The following NADSYN1 variants were observed in gnomAD, a reference collection of about 807,000 sequenced individuals.
NADSYN1 encodes glutamine-dependent NAD(+) synthetase.
NADSYN1 carries 80 observed loss-of-function variants against 99.3 expected under a neutral mutation model. That is an observed-to-expected ratio of 0.81 (90% CI 0.67 to 0.97). The LOEUF (loss-of-function observed/expected upper bound fraction) is 0.97. Among genes scored for constraint, NADSYN1 ranks in the 50% least tolerant of loss-of-function variants. The pLI is 0.00. For missense variants in NADSYN1, 859 were observed against 948.5 expected, an observed-to-expected ratio of 0.91 and a Z score of 1.24; for synonymous variants, 385 against 372.1, an observed-to-expected ratio of 1.03 and a Z score of -0.40.
Position 71,482,169 on chromosome 11 carries a change from C to T in NADSYN1, c.1150+144C>T. 7.1e-6 allele frequency: 5 copies of T among 699,956 alleles called. No individual in the cohort carries two copies. In the South Asian group the frequency reaches 7.3e-5, roughly 10 times the overall value. 43.4% of individuals were successfully genotyped at this position (699,956 alleles called of 1,614,324 possible). On this transcript the variant is annotated intron_variant, in intron 13 of 20. Coordinates refer to ENST00000319023, the MANE Select transcript of NADSYN1 (RefSeq NM_018161.5). ...GCTTTGTGGCCACGCACAAATGTCA[C>T]AGCATCACATCCCAGTCCTGCAGCT...
rs139796479 is a variant in NADSYN1 at position 71,498,700 on chromosome 11, C to T, written c.2070+172C>T. Reference sequence around the variant, plus strand: ...AAGCGTTTTTTAAATTTACTTTTTTCGTGTTGACAAATAAAAATTCTATAT... The same window carrying T: ...AAGCGTTTTTTAAATTTACTTTTTTTGTGTTGACAAATAAAAATTCTATAT... On this transcript the variant is annotated intron_variant, in intron 20 of 20. Transcript: ENST00000319023. 4.7e-5 allele frequency: 31 copies of T among 657,100 alleles called. No individual in the cohort carries two copies. In the East Asian group the frequency reaches 7.6e-4, roughly 16 times the overall value. The allele number at this position is 657,100 out of a possible 1,614,324, so 40.7% of individuals were successfully genotyped here.
Position 71,482,939 on chromosome 11 carries a change from C to G in NADSYN1, c.1241C>G (p.Thr414Ser), listed in dbSNP as rs138477825. 1.5e-5 allele frequency: 24 copies of G among 1,613,230 alleles called. No individual in the cohort carries two copies. In the African/African-American group the frequency reaches 3.1e-4, roughly 21 times the overall value. ...DPRDLCGRILTTCYMASKNSS... is the reference protein window; with the variant it reads ...DPRDLCGRILSTCYMASKNSS... Reference sequence around the variant, plus strand: ...CGAGACCTCTGTGGACGCATACTGACCACCTGCTACATGGCCAGCAAGAAC... The same window carrying G: ...CGAGACCTCTGTGGACGCATACTGAGCACCTGCTACATGGCCAGCAAGAAC... The change falls in exon 14 of 21, where the codon ACC becomes AGC. Residue 414 changes from threonine (T) to serine (S), a missense_variant. Physicochemically the swap from Thr to Ser is moderately conservative, Grantham distance 58. Coordinates refer to ENST00000319023, the MANE Select transcript of NADSYN1 (RefSeq NM_018161.5).
chr11:71,474,293 A>T, intron 8 of NADSYN1, 102 bp from the exon 9 acceptor site: 1 of 1,487,078 alleles, frequency 6.7e-7, no homozygotes, highest in Non-Finnish European at 9.3e-7. Flanking sequence ...ACCACTCAGG[A>T]TGACCTAGCG....
At chr11:71,463,987 G>A (rs1172341625) in intron 4 of NADSYN1, 66 bp from the exon 5 acceptor site, 1 of 1,360,056 alleles carries the variant, frequency 7.4e-7, no homozygotes, top group African/African-American at 1.4e-5. Flanking sequence ...TGGTGGCACT[G>A]ACCACCGCCA....
rs780997069 is a variant in NADSYN1 at position 71,474,385 on chromosome 11, C to A, written c.667-10C>A. Reference sequence around the variant, plus strand: ...GCTGACCACTCCGCTATGGGGTCCTCCTTTTTCAGAACGGTGGGATTTACT... The same window carrying A: ...GCTGACCACTCCGCTATGGGGTCCTACTTTTTCAGAACGGTGGGATTTACT... On this transcript the variant is annotated splice_polypyrimidine_tract_variant and intron_variant, in intron 8 of 20. Transcript: ENST00000319023. 2 of 1,613,958 alleles carry A rather than the reference C, an allele frequency of 1.2e-6. No homozygotes were observed. Among genetic ancestry groups the A allele is most frequent in the African/African-American group, 2.7e-5 (2 of 74,916 alleles).
chr11:71,482,807 C>A, intron 13 of NADSYN1, 42 bp from the exon 14 acceptor site: 1 of 1,604,612 alleles, frequency 6.2e-7, no homozygotes, highest in Non-Finnish European at 8.5e-7. Flanking sequence ...ACATCCCACA[C>A]ACTCAGGTGA....
rs1565604293 is a variant in NADSYN1 at position 71,484,307 on chromosome 11, T to A, written c.1320-5T>A. 2 of 1,612,352 alleles carry A rather than the reference T, an allele frequency of 1.2e-6. No individual in the cohort carries two copies. The highest frequency in any genetic ancestry group is 1.7e-6 in the Non-Finnish European group (2 of 1,178,520). ...TGCCTTCAACGCCTATCCTTCTCCT[T>A]CCAGCCACCACATCAGTCTCAACAT... On this transcript the variant is annotated splice_region_variant and splice_polypyrimidine_tract_variant and intron_variant, in intron 14 of 20. Coordinates refer to ENST00000319023, the MANE Select transcript of NADSYN1 (RefSeq NM_018161.5).
intron 9 of NADSYN1, 66 bp downstream of exon 9, chr11:71,474,592 C>G: frequency 6.2e-7 from 1 of 1,604,220 alleles, no homozygotes; most frequent in Non-Finnish European, 8.5e-7. Context: ...TCCTGGCTCT[C>G]CCCTGTAAGC....
intron 5 of NADSYN1, chr11:71,466,795 A>G (rs1411816455): frequency 6.6e-6 from 1 of 152,222 alleles, no homozygotes; most frequent in Non-Finnish European, 1.5e-5. Context: ...GTATGCATTT[A>G]TGTCTCATTT....
intron 1 of NADSYN1, 146 bp downstream of exon 1, chr11:71,453,527 C>G (rs115274540): frequency 2.8e-6 from 2 of 703,446 alleles, no homozygotes; most frequent in African/African-American, 3.6e-5. Flanking sequence ...TGGGCAATGA[C>G]CCCGCCAGTG....
intron 10 of NADSYN1, chr11:71,478,713 G>T (rs2120463989): frequency 2.1e-6 from 1 of 481,398 alleles, no homozygotes; most frequent in Non-Finnish European, 3.8e-6. Context: ...GGCAGGCAGA[G>T]AGGCTGACGA....
chr11:71,481,551 G>T, intron 12 of NADSYN1, 147 bp downstream of exon 12: 1 of 835,924 alleles, frequency 1.2e-6, no homozygotes, highest in Non-Finnish European at 1.8e-6. Flanking sequence ...GGGGAGCTTA[G>T]TCTGTGCTAG....
rs1483400039 is a variant in NADSYN1, at chr11:71,489,113, A to G, written c.1563-1732A>G. 2.0e-5 allele frequency among the ~76,000 whole-genome samples: 3 copies of G among 152,082 alleles called. No homozygotes were observed. In the East Asian group the frequency reaches 5.8e-4, roughly 29 times the overall value. On this transcript the variant is annotated intron_variant, in intron 16 of 20. Coordinates refer to ENST00000319023, the MANE Select transcript of NADSYN1 (RefSeq NM_018161.5). ...CCTGCAGGGTTAAGTTGGGGTCAGC[A>G]TGGGAATGCAGAGCTGAGAGGCTGT...
chr11:71,460,458 C>T (rs780563405), intron 3 of NADSYN1, among the ~76,000 whole-genome samples: 2 of 152,228 alleles, frequency 1.3e-5, no homozygotes, highest in East Asian at 1.9e-4. Flanking sequence ...TTGAGTGATC[C>T]GTCCATCTCA....
intron 18 of NADSYN1, among the ~76,000 whole-genome samples, chr11:71,494,289 A>G (rs533344244): frequency 2.6e-5 from 4 of 152,292 alleles, no homozygotes; most frequent in African/African-American, 7.2e-5. Flanking sequence ...CTACACTTAG[A>G]TACATAAATA....
intron 3 of NADSYN1, 113 bp from the exon 4 acceptor site, chr11:71,463,319 G>A: frequency 1.0e-6 from 1 of 954,866 alleles, no homozygotes; most frequent in East Asian, 2.5e-5. Flanking sequence ...AGGGATCGGA[G>A]GAAGCTTCGT....
chr11:71,472,351 G>A lies in NADSYN1; in HGVS notation c.408-98G>A, dbSNP rs1949632328. ...TGGCAGTTCCTTTGCCAGTTCATCA[G>A]TTCGGAGGGTTCAGTTTGAGTTTTG... On this transcript the variant is annotated intron_variant, in intron 5 of 20. Transcript: ENST00000319023. 3.1e-5 allele frequency: 31 copies of A among 993,112 alleles called. 1 individual carries two copies. In the East Asian group the frequency reaches 7.4e-4, roughly 24 times the overall value. The allele number at this position is 993,112 out of a possible 1,614,324, so 61.5% of individuals were successfully genotyped here.
intron 18 of NADSYN1, chr11:71,496,612 C>T (rs1949820989): frequency 6.5e-6 from 1 of 152,748 alleles, no homozygotes; most frequent in Non-Finnish European, 1.5e-5. Context: ...GACCCCTGCT[C>T]TAGGGGATCC....
intron 8 of NADSYN1, 51 bp from the exon 9 acceptor site, chr11:71,474,344 G>A: frequency 6.2e-7 from 1 of 1,610,304 alleles, no homozygotes; most frequent in Non-Finnish European, 8.5e-7. Flanking sequence ...GGTGGCAGGT[G>A]AGGGTGGTGG....
Sources: allele counts gnomAD v4.1 joint callset (sites outside exome capture counted in the v4.1 genomes callset), GRCh38; gene constraint gnomAD v4.1.1; transcripts MANE v1.5; gene names NCBI Gene and HGNC (gene_info 2026-07-23, HGNC 2026-07-21).